RALGAPA2: variants seen among roughly 807,000 people sequenced by gnomAD.
RALGAPA2 encodes the protein ral GTPase-activating protein subunit alpha-2.
A neutral mutation model predicts 230.4 loss-of-function variants in RALGAPA2; 139 were observed. The ratio of observed to expected loss-of-function variants is 0.60; its 90% CI spans 0.53 to 0.69. The LOEUF is 0.69. Ranked by LOEUF, RALGAPA2 falls within the 30% of genes least tolerant of loss-of-function variation. The pLI, the probability that RALGAPA2 is intolerant of heterozygous loss-of-function variation, is 0.00. For missense variants in RALGAPA2, 2,163 were observed against 2,276.0 expected, an observed-to-expected ratio of 0.95 and a Z score of 1.01; for synonymous variants, 847 against 837.8, an observed-to-expected ratio of 1.01 and a Z score of -0.19.
intron 37 of RALGAPA2, among the ~76,000 whole-genome samples, chr20:20,464,839 A>C (rs957962753): frequency 1.3e-5 from 2 of 152,182 alleles, no homozygotes; most frequent in South Asian, 4.1e-4. Flanking sequence ...TTTTTCGGTA[A>C]AAATTATTTG....
chr20:20,667,770 G>T (rs781344534), intron 3 of RALGAPA2, among the ~76,000 whole-genome samples: 2 of 152,192 alleles, frequency 1.3e-5, no homozygotes, highest in Admixed American at 6.5e-5. Flanking sequence ...ATGGAGAAAG[G>T]TTGAAGGTGT....
intron 12 of RALGAPA2, among the ~76,000 whole-genome samples, chr20:20,618,583 C>A (rs2066222454): frequency 6.6e-6 from 1 of 152,082 alleles, no homozygotes; most frequent in South Asian, 2.1e-4. Flanking sequence ...CCACACCTGG[C>A]CTCTACATGA....
At chr20:20,425,211 T>TAA (rs1329665246) in intron 37 of RALGAPA2, among the ~76,000 whole-genome samples, 1 of 152,212 alleles carries the variant, frequency 6.6e-6, no homozygotes, top group Non-Finnish European at 1.5e-5. Flanking sequence ...CTTTGAGACA[T>TAA]TCTTAATTGT....
intron 5 of RALGAPA2, among the ~76,000 whole-genome samples, chr20:20,641,113 G>A (rs756833683): frequency 2.0e-5 from 3 of 152,160 alleles, no homozygotes; most frequent in Non-Finnish European, 2.9e-5. Flanking sequence ...CCACTTTCTA[G>A]CTGGGACCCA....
At chr20:20,463,987 C>T (rs943862861) in intron 37 of RALGAPA2, among the ~76,000 whole-genome samples, 1 of 152,122 alleles carries the variant, frequency 6.6e-6, no homozygotes, top group Non-Finnish European at 1.5e-5. Context: ...GGTGCAAACC[C>T]GAGATTCTTC....
chr20:20,576,061 T>C (rs561029637), intron 20 of RALGAPA2, among the ~76,000 whole-genome samples: 10 of 152,260 alleles, frequency 6.6e-5, no homozygotes, highest in African/African-American at 2.2e-4. Flanking sequence ...CTTTAATGCA[T>C]TTATATTTGG....
chr20:20,528,686 C>A (rs2063290450), intron 27 of RALGAPA2, among the ~76,000 whole-genome samples: 1 of 152,202 alleles, frequency 6.6e-6, no homozygotes. Context: ...AACAAACCAG[C>A]CAACCAACAC....
chr20:20,536,773 T>C lies in RALGAPA2; in HGVS notation c.3297A>G (p.Ser1099=), dbSNP rs747630006. ...LSTDILTAPR[S]EAVTVLGSLV... ...GAGAGCCGAGGACAGTGACAGCCTC[T>C]GAACGAGGCGCCTGCACATAAGGAA... The change falls in exon 25 of 40, where the codon TCA becomes TCG. Residue 1099 remains serine (S), a synonymous_variant. Coordinates refer to ENST00000202677, the MANE Select transcript of RALGAPA2 (RefSeq NM_020343.4). The C allele has an allele frequency of 8.1e-6, 13 of 1,612,014 alleles. No homozygotes were observed. The highest frequency in any genetic ancestry group is 1.0e-5 in the Non-Finnish European group (12 of 1,178,588).
At chr20:20,534,340 G>T (rs2063444976) in intron 26 of RALGAPA2, among the ~76,000 whole-genome samples, 1 of 152,022 alleles carries the variant, frequency 6.6e-6, no homozygotes, top group African/African-American at 2.4e-5. Context: ...AGCTACTCGG[G>T]AGGCTGAGGC....
chr20:20,662,598 G>A (rs2067819613), intron 3 of RALGAPA2, among the ~76,000 whole-genome samples: 1 of 152,198 alleles, frequency 6.6e-6, no homozygotes, highest in Admixed American at 6.5e-5. Flanking sequence ...GCTACAGACA[G>A]TTGAACTGGT....
chr20:20,396,075 T>G (rs1337918325), intron 39 of RALGAPA2, among the ~76,000 whole-genome samples: 1 of 152,158 alleles, frequency 6.6e-6, no homozygotes, highest in Non-Finnish European at 1.5e-5. Flanking sequence ...GGGCAGGGCC[T>G]GGACCCCAGA....
intron 1 of RALGAPA2, among the ~76,000 whole-genome samples, chr20:20,708,302 A>G (rs1467406615): frequency 6.6e-6 from 1 of 152,166 alleles, no homozygotes; most frequent in Non-Finnish European, 1.5e-5. Flanking sequence ...TAGTCTAACC[A>G]TTCTTTGGAA....
intron 23 of RALGAPA2, among the ~76,000 whole-genome samples, chr20:20,562,488 G>A (rs6137060): frequency 0.016 from 2,477 of 152,144 alleles, 95 homozygotes; most frequent in East Asian, 0.15. Flanking sequence ...TTTATTTCAC[G>A]TAGCATGTCT....
At chr20:20,674,322 A>G (rs1055007923) in intron 3 of RALGAPA2, among the ~76,000 whole-genome samples, 6 of 152,208 alleles carry the variant, frequency 3.9e-5, no homozygotes, top group African/African-American at 1.4e-4. Flanking sequence ...AAAAAATTTA[A>G]AAACTTCAAA....
chr20:20,697,652 T>C (rs1484150213), intron 1 of RALGAPA2, among the ~76,000 whole-genome samples: 1 of 152,042 alleles, frequency 6.6e-6, no homozygotes, highest in Non-Finnish European at 1.5e-5. Context: ...CAGCGATTGG[T>C]ACAGGAATGG....
intron 33 of RALGAPA2, 76 bp downstream of exon 33, chr20:20,511,178 T>A (rs1359119836): frequency 6.5e-7 from 1 of 1,528,958 alleles, no homozygotes; most frequent in East Asian, 2.4e-5. Flanking sequence ...GTCTATTCAT[T>A]CCTGCTGTTG....
chr20:20,563,828 C>A (rs1288219374), intron 23 of RALGAPA2, among the ~76,000 whole-genome samples: 4 of 151,406 alleles, frequency 2.6e-5, no homozygotes, highest in Non-Finnish European at 5.9e-5. Context: ...CACAGACAAA[C>A]ACACACACAC....
intron 35 of RALGAPA2, among the ~76,000 whole-genome samples, chr20:20,499,904 GT>G (rs1376536192): frequency 6.6e-6 from 1 of 152,072 alleles, no homozygotes; most frequent in African/African-American, 2.4e-5. Flanking sequence ...TCCGCAATAG[GT>G]TTTTTAGATA....
chr20:20,524,369 C>A (rs1335009061), intron 30 of RALGAPA2, 37 bp downstream of exon 30: 1 of 1,612,172 alleles, frequency 6.2e-7, no homozygotes, highest in East Asian at 2.2e-5. Flanking sequence ...TCATATAAAC[C>A]CACACTCCAT....
Sources: allele counts gnomAD v4.1 joint callset (sites outside exome capture counted in the v4.1 genomes callset), GRCh38; gene constraint gnomAD v4.1.1; transcripts MANE v1.5; gene names NCBI Gene and HGNC (gene_info 2026-07-23, HGNC 2026-07-21).